CACNA1C: variants seen among roughly 807,000 people sequenced by gnomAD.
CACNA1C encodes the protein calcium voltage-gated channel subunit alpha1 C, also known as voltage-dependent L-type calcium channel subunit alpha-1C.
In CACNA1C, 30 loss-of-function variants were observed where a neutral mutation model predicts 229.0. That is an observed-to-expected ratio of 0.13 (90% CI 0.10 to 0.18). The LOEUF is 0.18. CACNA1C is among the 10% of genes least tolerant of loss of function. The pLI is 1.00. For missense variants in CACNA1C, 1,658 were observed against 2,845.0 expected (o/e 0.58, Z 9.49); for synonymous variants, 1,114 against 1,132.5 (o/e 0.98, Z 0.33).
At chr12:1,973,903 T>C (rs918892088) in intron 1 of CACNA1C, among the ~76,000 whole-genome samples, 5 of 152,192 alleles carry the variant, frequency 3.3e-5, no homozygotes, top group Non-Finnish European at 5.9e-5. Context: ...AATACATCTT[T>C]TCCTTCTCTC....
intron 1 of CACNA1C, among the ~76,000 whole-genome samples, chr12:2,109,586 G>T (rs1393883192): frequency 6.6e-6 from 1 of 152,206 alleles, no homozygotes; most frequent in Admixed American, 6.5e-5. Context: ...GGTGTTGTAA[G>T]CTGTTGACAA....
chr12:2,201,676 A>C (rs1479213673), intron 3 of CACNA1C, among the ~76,000 whole-genome samples: 3 of 152,172 alleles, frequency 2.0e-5, no homozygotes, highest in South Asian at 4.1e-4. Flanking sequence ...AAGTGTCCTC[A>C]TGACCCTAAC....
chr12:2,166,819 G>T (rs574376677), intron 3 of CACNA1C, among the ~76,000 whole-genome samples: 2 of 152,318 alleles, frequency 1.3e-5, no homozygotes, highest in East Asian at 3.9e-4. Flanking sequence ...GACTCACCTT[G>T]GGAAAAGTGG....
chr12:2,551,092 C>G (rs1020321819), intron 10 of CACNA1C, among the ~76,000 whole-genome samples: 1 of 152,166 alleles, frequency 6.6e-6, no homozygotes, highest in African/African-American at 2.4e-5. Context: ...GGAAGTAGGT[C>G]CCAAACAGCA....
intron 3 of CACNA1C, among the ~76,000 whole-genome samples, chr12:2,209,538 G>A (rs571369795): frequency 1.3e-5 from 2 of 152,290 alleles, no homozygotes; most frequent in African/African-American, 2.4e-5. Context: ...TGGTACCACC[G>A]TCACACAGCG....
Position 2,685,786 on chromosome 12 carries a change from A to C in CACNA1C, c.5624A>C (p.Asp1875Ala), listed in dbSNP as rs1280777762. Residue 1875 changes from aspartate to alanine, a missense_variant, in exon 44 of 47, where the codon GAC (aspartate) becomes GCC (alanine). Around this residue, in one of 20 missense-constraint regions of CACNA1C, gnomAD observed 590 missense variants for 700.8 expected, o/e 0.84. Coordinates refer to ENST00000399655, the MANE Select transcript of CACNA1C (RefSeq NM_000719.7). ...CGGCAACTGACGCTCCCAGAGGAGG[A>C]CAAGAGGGACATCCGGCAATCTCCG... The part of the protein sequence containing the change: ...ENRQLTLPEE[D>A]KRDIRQSPKR... 1 of 1,613,630 alleles carries C rather than the reference A, an allele frequency of 6.2e-7. No homozygotes were observed. Among genetic ancestry groups the C allele is most frequent in the East Asian group, 2.2e-5 (1 of 44,888 alleles).
intron 1 of CACNA1C, among the ~76,000 whole-genome samples, chr12:2,094,405 G>A (rs2072868328): frequency 6.6e-6 from 1 of 152,158 alleles, no homozygotes; most frequent in Non-Finnish European, 1.5e-5. Context: ...TCAGATTCAA[G>A]TCTTTATCAA....
At chr12:2,408,815 C>G (rs2098769626) in intron 3 of CACNA1C, among the ~76,000 whole-genome samples, 1 of 152,158 alleles carries the variant, frequency 6.6e-6, no homozygotes, top group Non-Finnish European at 1.5e-5. Context: ...AAACTTATAG[C>G]TGAAAAATAT....
intron 3 of CACNA1C, among the ~76,000 whole-genome samples, chr12:2,429,151 T>C (rs1053560459): frequency 4.6e-5 from 7 of 151,826 alleles, no homozygotes; most frequent in Admixed American, 4.6e-4. Context: ...GGCTTCCCTC[T>C]TTGTGTGTGT....
chr12:2,464,754 T>C (rs957858203), intron 5 of CACNA1C, among the ~76,000 whole-genome samples: 3 of 152,238 alleles, frequency 2.0e-5, no homozygotes, highest in Non-Finnish European at 2.9e-5. Flanking sequence ...AACGGAAGTT[T>C]ACTTTCATCC....
Position 2,686,209 on chromosome 12 carries a change from G to C in CACNA1C, c.5724G>C (p.Lys1908Asn). 6.2e-7 allele frequency: 1 copy of C among 1,613,874 alleles called. No homozygotes were observed. Among genetic ancestry groups the C allele is most frequent in the Admixed American group, 1.7e-5 (1 of 60,036 alleles). Reference protein sequence around the residue: ...SFHLECLKRQKDRGGDISQKT... With the variant: ...SFHLECLKRQNDRGGDISQKT... ...ACCTGGAATGTCTGAAGCGACAGAA[G>C]GACCGAGGGGGAGACATCTCTCAGA... The change falls in exon 45 of 47, where the codon AAG becomes AAC. Residue 1908 changes from lysine to asparagine, a missense_variant. Around this residue, in one of 20 missense-constraint regions of CACNA1C, gnomAD observed 590 missense variants for 700.8 expected, o/e 0.84. Transcript: ENST00000399655.
intron 1 of CACNA1C, among the ~76,000 whole-genome samples, chr12:2,069,878 T>C (rs1187263574): frequency 1.3e-5 from 2 of 152,182 alleles, no homozygotes; most frequent in Non-Finnish European, 2.9e-5. Flanking sequence ...AGTGCAGTCA[T>C]GTGATAATGG....
intron 9 of CACNA1C, among the ~76,000 whole-genome samples, chr12:2,513,447 G>A (rs944054045): frequency 6.6e-5 from 10 of 152,228 alleles, no homozygotes; most frequent in Non-Finnish European, 1.3e-4. Context: ...TCATAGGAAA[G>A]GTAGTGAAAG....
intron 4 of CACNA1C, among the ~76,000 whole-genome samples, chr12:2,451,359 A>G (rs916185398): frequency 1.3e-5 from 2 of 152,194 alleles, no homozygotes; most frequent in East Asian, 1.9e-4. Flanking sequence ...TTGCACATGC[A>G]TAGAAAAGAG....
intron 3 of CACNA1C, among the ~76,000 whole-genome samples, chr12:2,191,186 G>C (rs2097199491): frequency 6.6e-6 from 1 of 152,180 alleles, no homozygotes; most frequent in Non-Finnish European, 1.5e-5. Context: ...GGTGCTGGAT[G>C]TGGGGTCCAG....
rs981256633 is a variant in CACNA1C at position 2,633,835 on chromosome 12, A to G, written c.3829-462A>G. On this transcript the variant is annotated intron_variant, in intron 29 of 46. Coordinates refer to ENST00000399655, the MANE Select transcript of CACNA1C (RefSeq NM_000719.7). This position sits in a 1 kb window ranked among gnomAD's most constrained non-coding sequence, Gnocchi z 5.8. ...ATGTTTTTTTTAATTTCCTGTTTTT[A>G]CCCGCCTCCAGTCATGCCTTTTATT... 2 of 606,612 alleles carry G rather than the reference A, an allele frequency of 3.3e-6. No homozygotes were observed. Among genetic ancestry groups the G allele is most frequent in the Non-Finnish European group, 5.7e-6 (2 of 348,154 alleles). 37.6% of individuals were successfully genotyped at this position (606,612 alleles called of 1,614,324 possible).
At chr12:2,221,030 C>T (rs1232438457) in intron 3 of CACNA1C, among the ~76,000 whole-genome samples, 4 of 152,196 alleles carry the variant, frequency 2.6e-5, no homozygotes, top group Non-Finnish European at 4.4e-5. Context: ...TCAGGGAGGT[C>T]CCCTCTGGGA....
rs928973198 is a variant in CACNA1C at position 2,242,939 on chromosome 12, C to G, written c.477+122509C>G. On this transcript the variant is annotated intron_variant, in intron 3 of 46. Transcript: ENST00000399655. ...AATTTAAGAGGAAAGAACTGAGGGT[C>G]TGAGAGGTGAAGTGACTTACCCACG... 2.6e-5 allele frequency among the ~76,000 whole-genome samples: 4 copies of G among 152,182 alleles called. No homozygotes were observed. In the South Asian group the frequency reaches 8.3e-4, roughly 32 times the overall value.
chr12:2,641,841 C>G (rs2093736169), intron 30 of CACNA1C: 1 of 700,366 alleles, frequency 1.4e-6, no homozygotes, highest in Admixed American at 2.0e-5. Flanking sequence ...AGGCTGTTTT[C>G]TACTCTGCTT....
Sources: gnomAD v4.1 joint callset for allele counts (sites outside exome capture counted in the v4.1 genomes callset) on GRCh38, gnomAD v4.1.1 for gene constraint, gnomAD v4.1.1 regional missense constraint, Gnocchi (gnomAD v3.1) non-coding constraint, MANE v1.5 for transcripts, NCBI Gene and HGNC (gene_info 2026-07-23, HGNC 2026-07-21) for gene names.